The following COL6A3 variants were observed in gnomAD, a reference collection of about 807,000 sequenced individuals.
The protein encoded by COL6A3 is collagen alpha-3(VI) chain.
In COL6A3, 137 loss-of-function variants were observed where a neutral mutation model predicts 274.1. That is an observed-to-expected ratio of 0.50 (90% CI 0.44 to 0.58). The LOEUF (loss-of-function observed/expected upper bound fraction) is 0.58, where lower values mean the gene tolerates loss of function less well. Among genes scored for constraint, COL6A3 ranks in the 20% least tolerant of loss-of-function variants. The pLI, the probability that COL6A3 is intolerant of heterozygous loss-of-function variation, is 0.00. For missense variants in COL6A3, 3,950 were observed against 4,124.9 expected (o/e 0.96, Z 1.16); for synonymous variants, 1,650 against 1,650.6 (o/e 1.00, Z 0.01).
chr2:237,330,598 A>C (rs1009026491), intron 42 of COL6A3, among the ~76,000 whole-genome samples: 1 of 152,204 alleles, frequency 6.6e-6, no homozygotes, highest in Non-Finnish European at 1.5e-5. Context: ...TATTAATGGA[A>C]TCAAGGCCTG....
intron 38 of COL6A3, 82 bp from the exon 39 acceptor site, chr2:237,339,199 G>T: frequency 1.0e-6 from 1 of 960,448 alleles, no homozygotes; most frequent in South Asian, 1.4e-5. Flanking sequence ...CAAGTTAAAT[G>T]AATCACATAA....
At position 237,407,932 on chromosome 2, in the gene COL6A3, G is replaced by A. The variant is rs143921991; in HGVS notation, c.-31+6021C>T. 1.8e-4 allele frequency among the ~76,000 whole-genome samples: 27 copies of A among 152,288 alleles called. No homozygotes were observed. Among genetic ancestry groups the A allele is most frequent in the African/African-American group, 4.1e-4 (17 of 41,538 alleles). ...CCACTCCATTCCAACTCCTTGCCAC[G>A]TGACGCTGCTGGATCCAAATTGGAG... is the stretch of plus-strand genomic sequence containing the variant. On this transcript the variant is annotated intron_variant, in intron 1 of 43. Transcript: ENST00000295550. This position sits in a 1 kb window ranked among gnomAD's most constrained non-coding sequence, Gnocchi z 4.3.
chr2:237,344,440 G>C lies in COL6A3; in HGVS notation c.7578C>G (p.Leu2526=). The C allele has an allele frequency of 6.2e-7, 1 of 1,614,222 alleles. No individual in the cohort carries two copies. The highest frequency in any genetic ancestry group is 1.1e-5 in the South Asian group (1 of 91,086). Residue 2526 remains leucine (L), a synonymous_variant, in exon 36 of 44, where the codon CTC becomes CTG. Transcript: ENST00000295550. The surrounding 1 kb of genome is among the most constrained non-coding windows in gnomAD (Gnocchi z 4.8). ...CTGAGAGCTTGAGCACAGCCTCTCT[G>C]AGCTGTGGGGATGCTCTTGTGGGTG... is the stretch of plus-strand genomic sequence containing the variant. ...SNTPTRASPQ[L]REAVLKLSDA...
At chr2:237,350,459 G>A (rs1464493936) in intron 27 of COL6A3, among the ~76,000 whole-genome samples, 1 of 152,186 alleles carries the variant, frequency 6.6e-6, no homozygotes, top group Non-Finnish European at 1.5e-5. Flanking sequence ...AGTAACAACT[G>A]GGAGAAGAAG....
intron 23 of COL6A3, chr2:237,357,006 C>A (rs2077333125): frequency 4.9e-6 from 2 of 406,408 alleles, no homozygotes; most frequent in Admixed American, 4.0e-5. Flanking sequence ...CCCCTTATTC[C>A]CTCCCTCCCC....
chr2:237,384,970 G>T (rs2078109052), intron 4 of COL6A3, among the ~76,000 whole-genome samples: 1 of 152,062 alleles, frequency 6.6e-6, no homozygotes, highest in African/African-American at 2.4e-5. Flanking sequence ...GTGCCTTCTT[G>T]TTGCAGGGCC....
At chr2:237,394,336 A>G (rs2078370450) in intron 3 of COL6A3, among the ~76,000 whole-genome samples, 1 of 152,188 alleles carries the variant, frequency 6.6e-6, no homozygotes, top group South Asian at 2.1e-4. Context: ...ATAATATTAG[A>G]ATGTGGGTTT....
At chr2:237,402,489 G>T (rs1220460802) in intron 1 of COL6A3, among the ~76,000 whole-genome samples, 3 of 152,142 alleles carry the variant, frequency 2.0e-5, no homozygotes, top group Non-Finnish European at 4.4e-5. Context: ...TAACAGGAAT[G>T]ATGTAAGTGC....
rs147293826 is a variant in COL6A3 at position 237,374,353 on chromosome 2, C to T, written c.3679+59G>A. ...TTGAGAACACCTTGTGGCCCACAGT[C>T]CAGACAAGTAGCCCCAGACAATGAC... On this transcript the variant is annotated intron_variant, in intron 8 of 43. Coordinates refer to ENST00000295550, the MANE Select transcript of COL6A3 (RefSeq NM_004369.4). This position sits in a 1 kb window ranked among gnomAD's most constrained non-coding sequence, Gnocchi z 4.8. 1.2e-6 allele frequency: 2 copies of T among 1,601,338 alleles called. No individual in the cohort carries two copies. The highest frequency in any genetic ancestry group is 2.7e-5 in the African/African-American group (2 of 75,032).
chr2:237,344,948 G>C lies in COL6A3; in HGVS notation c.7167C>G (p.Cys2389Trp), dbSNP rs1317748986. 3 of 1,614,144 alleles carry C rather than the reference G, an allele frequency of 1.9e-6. No individual in the cohort carries two copies. Among genetic ancestry groups the C allele is most frequent in the Non-Finnish European group, 2.5e-6 (3 of 1,180,048 alleles). Residue 2389 changes from cysteine (C) to tryptophan (W), a missense_variant, in exon 35 of 44, where the codon TGC becomes TGG. By Grantham distance (215) the Cys-to-Trp change is radical. Around this residue, in one of 5 missense-constraint regions of COL6A3, gnomAD observed 1,284 missense variants for 1,349.7 expected, o/e 0.95. Coordinates refer to ENST00000295550, the MANE Select transcript of COL6A3 (RefSeq NM_004369.4). The surrounding 1 kb of genome is among the most constrained non-coding windows in gnomAD (Gnocchi z 4.8). ...TCACCAAAATCAACTTACCGTAACA[G>C]CAAGCTAGAAAAGAAGCAAAGAGAA... ...LIQSIKDKCP[C>W]CYGPLECPVF...
Position 237,344,617 on chromosome 2 carries a change from C to T in COL6A3, c.7401G>A (p.Ser2467=), listed in dbSNP as rs377572272. The T allele has an allele frequency of 2.4e-4, 394 of 1,614,054 alleles. No individual in the cohort carries two copies. The highest frequency in any genetic ancestry group is 3.3e-4 in the Middle Eastern group (2 of 6,084). The part of the protein sequence containing the change: ...EIRFADSKRK[S]VLLDKIKNLQ... Reference sequence around the variant, plus strand: ...GGTTCTTAATCTTGTCCAGGAGGACCGACTTCCTCTTGGAGTCAGCAAACC... The same window carrying T: ...GGTTCTTAATCTTGTCCAGGAGGACTGACTTCCTCTTGGAGTCAGCAAACC... Residue 2467 remains serine (S), a synonymous_variant, in exon 36 of 44, where the codon TCG becomes TCA. Transcript: ENST00000295550. The surrounding 1 kb of genome is among the most constrained non-coding windows in gnomAD (Gnocchi z 4.8).
intron 8 of COL6A3, among the ~76,000 whole-genome samples, chr2:237,373,709 C>A (rs904056538): frequency 1.3e-5 from 2 of 152,182 alleles, no homozygotes; most frequent in South Asian, 4.2e-4. Flanking sequence ...GTGAACCCCC[C>A]CCACCCGAGT....
rs886044364 is a variant in COL6A3, at chr2:237,344,661, C to T, written c.7357G>A (p.Glu2453Lys). 6 of 1,613,270 alleles carry T rather than the reference C, an allele frequency of 3.7e-6. No individual in the cohort carries two copies. Among genetic ancestry groups the T allele is most frequent in the Non-Finnish European group, 5.1e-6 (6 of 1,179,366 alleles). ...ARVAVVTYNNEVTTEIRFADS... is the reference protein window; with the variant it reads ...ARVAVVTYNNKVTTEIRFADS... ...GCAAACCGGATCTCCGTGGTCACCT[C>T]GTTGTTGTAGGTGACCACAGCCACC... The change falls in exon 36 of 44, where the codon GAG (glutamate) becomes AAG (lysine). Residue 2453 changes from glutamate to lysine, a missense_variant. Glu to Lys is a moderately conservative substitution (Grantham distance 56). Coordinates refer to ENST00000295550, the MANE Select transcript of COL6A3 (RefSeq NM_004369.4). This position sits in a 1 kb window ranked among gnomAD's most constrained non-coding sequence, Gnocchi z 4.8.
In COL6A3 at chr2:237,372,079, C is replaced by T. The variant is rs1250368454; in HGVS notation, c.3938G>A (p.Gly1313Asp). The T allele has an allele frequency of 6.2e-7, 1 of 1,614,060 alleles. No individual in the cohort carries two copies. Among genetic ancestry groups the T allele is most frequent in the Non-Finnish European group, 8.5e-7 (1 of 1,180,042 alleles). ...CCTGGACACGTACTCCAGGGCATTG[C>T]CCACGTTGATCTGCCGCCCTCCCTT... The part of the protein sequence containing the change: ...RPKGGRQINV[G>D]NALEYVSRNI... The change falls in exon 9 of 44, where the codon GGC becomes GAC. Residue 1313 changes from glycine to aspartate, a missense_variant. Physicochemically the swap from Gly to Asp is moderately conservative, Grantham distance 94 (BLOSUM62 -1). This residue lies in a region of COL6A3 where 1,934 missense variants were observed against 1,984.3 expected (regional missense o/e 0.97). Coordinates refer to ENST00000295550, the MANE Select transcript of COL6A3 (RefSeq NM_004369.4).
intron 7 of COL6A3, 95 bp from the exon 8 acceptor site, chr2:237,375,115 C>A: frequency 6.4e-7 from 1 of 1,563,872 alleles, no homozygotes; most frequent in Non-Finnish European, 8.7e-7. Context: ...CAGGGATGTC[C>A]AAGTCCAAAT....
chr2:237,410,482 T>G lies in COL6A3; in HGVS notation c.-31+3471A>C, dbSNP rs530745238. 3.1e-4 allele frequency among the ~76,000 whole-genome samples: 47 copies of G among 151,940 alleles called. No individual in the cohort carries two copies. The South Asian group carries it at 9.4e-3, about 30-fold the overall frequency. On this transcript the variant is annotated intron_variant, in intron 1 of 43. Transcript: ENST00000295550. Reference sequence around the variant, plus strand: ...ATGCCTGGTTAATTTTTTAAAACGCTTTTGTAGAGACAAGGTCTCCCTATG... The same window carrying G: ...ATGCCTGGTTAATTTTTTAAAACGCGTTTGTAGAGACAAGGTCTCCCTATG...
chr2:237,407,326 G>C lies in COL6A3; in HGVS notation c.-31+6627C>G, dbSNP rs557719178. The stretch of plus-strand genomic sequence containing the variant: ...CTCTTCTCATCAGGCAGGGTAACTA[G>C]ACCTCCTTTGTCACCTACTGGGGTC... On this transcript the variant is annotated intron_variant, in intron 1 of 43. Transcript: ENST00000295550. The surrounding 1 kb of genome is among the most constrained non-coding windows in gnomAD (Gnocchi z 4.3). Among the ~76,000 whole-genome samples the C allele has an allele frequency of 6.6e-6, 1 of 152,184 alleles. No homozygotes were observed. Among genetic ancestry groups the C allele is most frequent in the Non-Finnish European group, 1.5e-5 (1 of 68,034 alleles).
chr2:237,346,603 G>A, intron 31 of COL6A3, 38 bp from the exon 32 acceptor site: 1 of 1,580,934 alleles, frequency 6.3e-7, no homozygotes, highest in Non-Finnish European at 8.7e-7. Context: ...AACTGTGTCA[G>A]AAAGTGGAGA....
At position 237,360,136 on chromosome 2, in the gene COL6A3, C is replaced by A; in HGVS notation, c.6234G>T (p.Val2078=). 1 of 1,614,182 alleles carries A rather than the reference C, an allele frequency of 6.2e-7. No homozygotes were observed. Among genetic ancestry groups the A allele is most frequent in the Non-Finnish European group, 8.5e-7 (1 of 1,180,028 alleles). The change falls in exon 17 of 44, where the codon GTG becomes GTT. Residue 2078 remains valine, a synonymous_variant. Coordinates refer to ENST00000295550, the MANE Select transcript of COL6A3 (RefSeq NM_004369.4). ...GGPGERGPPG[V]NGTQGFQGCP... ...AGCCCTGGAAACCTTGAGTGCCGTT[C>A]ACACCAGGCGGACCACGCTCACCCT...
Sources: allele counts gnomAD v4.1 joint callset (sites outside exome capture counted in the v4.1 genomes callset), GRCh38; gene constraint gnomAD v4.1.1; regional missense constraint gnomAD v4.1.1; non-coding constraint Gnocchi (gnomAD v3.1); transcripts MANE v1.5; gene names NCBI Gene and HGNC (gene_info 2026-07-23, HGNC 2026-07-21).